The following CCDC191 variants were observed in gnomAD, a reference collection of about 807,000 sequenced individuals.
CCDC191 encodes coiled-coil domain containing 191, also known as coiled-coil domain-containing protein 191.
In CCDC191, 99 loss-of-function variants were observed where a neutral mutation model predicts 114.0. That is an observed-to-expected ratio of 0.87 (90% CI 0.74 to 1.03). CCDC191 has a LOEUF of 1.03. Ranked by LOEUF, CCDC191 falls within the 50% of genes least tolerant of loss-of-function variation. The pLI, the probability that CCDC191 is intolerant of heterozygous loss-of-function variation, is 0.00. For missense variants in CCDC191, 973 were observed against 1,087.0 expected (o/e 0.90, Z 1.47); for synonymous variants, 351 against 376.0 (o/e 0.93, Z 0.77).
At chr3:114,023,145 C>A (rs943325919) in intron 7 of CCDC191, among the ~76,000 whole-genome samples, 3 of 152,108 alleles carry the variant, frequency 2.0e-5, no homozygotes, top group African/African-American at 4.8e-5. Flanking sequence ...ATCCAACTTA[C>A]AAGGGATGCG....
chr3:113,990,601 A>G (rs2075523802), intron 13 of CCDC191, among the ~76,000 whole-genome samples: 1 of 151,692 alleles, frequency 6.6e-6, no homozygotes. Context: ...CCCAAAACCT[A>G]CAGAAATAAA....
chr3:114,044,998 T>C (rs1333505149), intron 3 of CCDC191, among the ~76,000 whole-genome samples: 1 of 152,224 alleles, frequency 6.6e-6, no homozygotes, highest in Non-Finnish European at 1.5e-5. Context: ...GTTCTATCCA[T>C]ATACCAAACC....
At chr3:114,030,106 T>C (rs1390561403) in intron 7 of CCDC191, among the ~76,000 whole-genome samples, 1 of 152,212 alleles carries the variant, frequency 6.6e-6, no homozygotes, top group East Asian at 1.9e-4. Flanking sequence ...AATGTTAACA[T>C]TGGGAAAAGT....
chr3:114,011,404 C>T (rs188261600), intron 8 of CCDC191, among the ~76,000 whole-genome samples: 16 of 152,060 alleles, frequency 1.1e-4, no homozygotes, highest in African/African-American at 3.4e-4. Flanking sequence ...CAGCTATGCA[C>T]GAAAATTTTA....
rs1241113401 is a variant in CCDC191 at position 114,010,676 on chromosome 3, T to C, written c.1413+96A>G. 8.1e-6 allele frequency: 10 copies of C among 1,227,544 alleles called. No individual in the cohort carries two copies. The South Asian group carries it at 1.5e-4, about 19-fold the overall frequency. The allele number at this position is 1,227,544 out of a possible 1,614,324, so 76.0% of individuals were successfully genotyped here. A position where few individuals can be genotyped will look rare whatever the true frequency, so the allele number is the denominator to read the frequency against. ...CATTGAGGCAGCTCTAATCTTCTGA[T>C]AGCCTAGACAAAGCAATCTGACAAT... On this transcript the variant is annotated intron_variant, in intron 9 of 16. Transcript: ENST00000295878.
intron 16 of CCDC191, 35 bp from the exon 17 acceptor site, chr3:113,965,394 G>C (rs1257211535): frequency 7.0e-7 from 1 of 1,426,226 alleles, no homozygotes; most frequent in Non-Finnish European, 9.5e-7. Flanking sequence ...GTGAAATGTT[G>C]AGAAAAAGTT....
chr3:114,004,624 G>T lies in CCDC191; in HGVS notation c.1978+13C>A. 1 of 1,610,122 alleles carries T rather than the reference G, an allele frequency of 6.2e-7. No homozygotes were observed. The highest frequency in any genetic ancestry group is 1.1e-5 in the South Asian group (1 of 90,840). On this transcript the variant is annotated intron_variant, in intron 11 of 16. Transcript: ENST00000295878. ...GATAACAACCACCAAGGCCACCACC[G>T]AGACAGCCCTGCCTTTTAGTATGGG...
At chr3:113,979,266 A>T (rs977693727) in intron 14 of CCDC191, among the ~76,000 whole-genome samples, 1 of 152,176 alleles carries the variant, frequency 6.6e-6, no homozygotes, top group Admixed American at 6.5e-5. Flanking sequence ...GAAATGGAAC[A>T]ACCAACCTCT....
At chr3:114,054,479 T>A (rs2076738932) in intron 1 of CCDC191, among the ~76,000 whole-genome samples, 1 of 151,160 alleles carries the variant, frequency 6.6e-6, no homozygotes, top group South Asian at 2.1e-4. Context: ...AAAAAAAAAA[T>A]ACAAAAAATT....
At chr3:114,022,111 T>C (rs1382075582) in intron 7 of CCDC191, among the ~76,000 whole-genome samples, 2 of 152,166 alleles carry the variant, frequency 1.3e-5, no homozygotes, top group Non-Finnish European at 2.9e-5. Flanking sequence ...TAGAAACTTT[T>C]AAAGTGAAAT....
At chr3:114,027,623 GAAA>G (rs34248411) in intron 7 of CCDC191, among the ~76,000 whole-genome samples, 1 of 123,776 alleles carries the variant, frequency 8.1e-6, no homozygotes, top group Admixed American at 8.8e-5. Context: ...AAAAAAAAAA[GAAA>G]AAAAAATCCA....
intron 12 of CCDC191, 38 bp from the exon 13 acceptor site, chr3:114,001,734 A>G (rs1194325054): frequency 6.2e-7 from 1 of 1,611,124 alleles, no homozygotes; most frequent in Non-Finnish European, 8.5e-7. Context: ...CAGAACCCTC[A>G]ATTTGAACAG....
At chr3:114,002,654 G>T (rs181835265) in intron 11 of CCDC191, 116 bp from the exon 12 acceptor site, 1 of 1,258,712 alleles carries the variant, frequency 7.9e-7, no homozygotes, top group Non-Finnish European at 1.1e-6. Flanking sequence ...GGGTTTTCTT[G>T]TAAGTTGAAT....
Position 113,978,332 on chromosome 3 carries a change from C to G in CCDC191, c.2461-1G>C. ...CTTCTTCCTGCAGATCAATCACGTA[C>G]TGGGGATGAAGACAGAAATAAAAGT... On this transcript the variant is annotated splice_acceptor_variant, in intron 15 of 16. Transcript: ENST00000295878. LOFTEE classifies it high-confidence loss of function. 1 of 1,613,500 alleles carries G rather than the reference C, an allele frequency of 6.2e-7. No homozygotes were observed. The highest frequency in any genetic ancestry group is 8.5e-7 in the Non-Finnish European group (1 of 1,179,804).
At position 114,031,647 on chromosome 3, in the gene CCDC191, T is replaced by C. The variant is rs768155369; in HGVS notation, c.951A>G (p.Gln317=). The change falls in exon 7 of 17, where the codon CAA becomes CAG. Residue 317 remains glutamine (Q), a synonymous_variant. Transcript: ENST00000295878. ...CCACCTGTTGATTTTCTTTGAAAGT[T>C]TGGATTAATACTTCTTTCAATTTCC... ...RKRKLKEVLI[Q]TFKENQQCQK... The C allele has an allele frequency of 1.9e-6, 3 of 1,610,718 alleles. No homozygotes were observed. The highest frequency in any genetic ancestry group is 2.5e-6 in the Non-Finnish European group (3 of 1,177,052).
At chr3:114,000,158 C>T (rs2075826598) in intron 13 of CCDC191, among the ~76,000 whole-genome samples, 1 of 152,200 alleles carries the variant, frequency 6.6e-6, no homozygotes, top group African/African-American at 2.4e-5. Flanking sequence ...AAGGATGTCT[C>T]TCGATAAGAT....
At chr3:113,968,626 G>T (rs1300645409) in intron 16 of CCDC191, among the ~76,000 whole-genome samples, 137 of 137,000 alleles carry the variant, frequency 1.0e-3, no homozygotes, top group Middle Eastern at 7.6e-3. Flanking sequence ...ATAGTTTTTT[G>T]TTTTTTTTTT....
chr3:113,980,043 T>C (rs1559877589), intron 14 of CCDC191, among the ~76,000 whole-genome samples: 1 of 152,232 alleles, frequency 6.6e-6, no homozygotes, highest in Non-Finnish European at 1.5e-5. Flanking sequence ...GATGGAGCTC[T>C]TTCTCTCCTC....
intron 7 of CCDC191, 88 bp from the exon 8 acceptor site, chr3:114,018,956 C>T (rs2076206096): frequency 1.6e-6 from 2 of 1,218,270 alleles, no homozygotes; most frequent in Non-Finnish European, 2.3e-6. Flanking sequence ...CAGATTTTCC[C>T]CTCACACTTT....
Sources: gnomAD v4.1 joint callset for allele counts (sites outside exome capture counted in the v4.1 genomes callset) on GRCh38, gnomAD v4.1.1 for gene constraint, MANE v1.5 for transcripts, NCBI Gene and HGNC (gene_info 2026-07-23, HGNC 2026-07-21) for gene names.